The following CLIC5 variants were observed in gnomAD, a reference collection of about 807,000 sequenced individuals.
CLIC5 encodes the protein CLIC family member 5, also known as chloride intracellular channel protein 5.
Under a neutral mutation model 24.7 loss-of-function variants are expected in CLIC5, and 20 were observed. The observed-to-expected ratio is 0.81, with a 90% CI of 0.57 to 1.18. The LOEUF is 1.18. Among genes scored for constraint, CLIC5 ranks in the 50% most tolerant of loss-of-function variants. The probability of loss-of-function intolerance (pLI) is 0.00; values close to 1 mark genes in which losing one functional copy is unlikely to be tolerated. For missense variants in CLIC5, 341 were observed against 326.1 expected (o/e 1.05, Z -0.35); for synonymous variants, 159 against 135.6 (o/e 1.17, Z -1.20).
intron 1 of CLIC5, among the ~76,000 whole-genome samples, chr6:46,073,218 C>G (rs1380015504): frequency 2.6e-5 from 4 of 152,148 alleles, no homozygotes; most frequent in Non-Finnish European, 4.4e-5. Flanking sequence ...TTAAGTGAGT[C>G]CAGCCAGGCT....
At chr6:46,002,849 A>G (rs1766410644) in intron 1 of CLIC5, among the ~76,000 whole-genome samples, 1 of 152,156 alleles carries the variant, frequency 6.6e-6, no homozygotes, top group Non-Finnish European at 1.5e-5. Flanking sequence ...TTGACCTTGG[A>G]CTATTCATTG....
intron 1 of CLIC5, among the ~76,000 whole-genome samples, chr6:46,078,546 C>G (rs1762834949): frequency 6.6e-6 from 1 of 152,176 alleles, no homozygotes; most frequent in Admixed American, 6.5e-5. Context: ...TCTGTTTCAT[C>G]TCTTACTATA....
intron 4 of CLIC5, among the ~76,000 whole-genome samples, chr6:45,918,391 C>T (rs763184562): frequency 6.6e-6 from 1 of 152,166 alleles, no homozygotes; most frequent in Non-Finnish European, 1.5e-5. Flanking sequence ...AAGACTCTAA[C>T]CCAGCCTCCA....
At chr6:46,089,364 C>A in the CLIC5 span, among the ~76,000 whole-genome samples, 1 of 151,946 alleles carries the variant, frequency 6.6e-6, no homozygotes, top group African/African-American at 2.4e-5. Flanking sequence ...CTAAATTTTC[C>A]CAGTCTTCAT....
At chr6:46,028,836 G>T (rs1767417476) in intron 1 of CLIC5, among the ~76,000 whole-genome samples, 1 of 152,146 alleles carries the variant, frequency 6.6e-6, no homozygotes, top group South Asian at 2.1e-4. Context: ...AGTTTCATTA[G>T]ATAGTTTACA....
At position 46,012,169 on chromosome 6, in the gene CLIC5, C is replaced by T. The variant is rs532891563; in HGVS notation, c.63+3311G>A. ...TATTGATATCATTCCCTTTCACTCT[C>T]AAAAGTGTCTAGATTTGGACAATAA... On this transcript the variant is annotated intron_variant, in intron 1 of 5. Transcript: ENST00000339561. Among the ~76,000 whole-genome samples, 18 of 152,318 alleles carry T rather than the reference C, an allele frequency of 1.2e-4. No individual in the cohort carries two copies. The East Asian group carries it at 3.3e-3, about 28-fold the overall frequency.
At chr6:45,983,310 G>A (rs561801159) in intron 1 of CLIC5, among the ~76,000 whole-genome samples, 57 of 152,270 alleles carry the variant, frequency 3.7e-4, no homozygotes, top group African/African-American at 1.3e-3. Flanking sequence ...GGGACAGGGT[G>A]TGTGCTGTCA....
intron 1 of CLIC5, among the ~76,000 whole-genome samples, chr6:46,042,074 G>T (rs1767822586): frequency 6.6e-6 from 1 of 152,136 alleles, no homozygotes; most frequent in Admixed American, 6.5e-5. Flanking sequence ...TTTTCTAGGA[G>T]AGAATAATGT....
At chr6:45,886,218 G>C (rs946340880) in intron 6 of CLIC5, among the ~76,000 whole-genome samples, 1 of 152,176 alleles carries the variant, frequency 6.6e-6, no homozygotes, top group Non-Finnish European at 1.5e-5. Flanking sequence ...CGAAGGAGCA[G>C]AAATCTTGAA....
chr6:46,075,529 G>A (rs1284907780), intron 1 of CLIC5, among the ~76,000 whole-genome samples: 1 of 152,168 alleles, frequency 6.6e-6, no homozygotes, highest in Non-Finnish European at 1.5e-5. Context: ...AGGCTGCAAT[G>A]AGCTGTGTTT....
At chr6:46,011,478 G>A (rs982487476) in intron 1 of CLIC5, among the ~76,000 whole-genome samples, 1 of 152,216 alleles carries the variant, frequency 6.6e-6, no homozygotes, top group South Asian at 2.1e-4. Flanking sequence ...CAGACACACT[G>A]ATGTAATCGG....
the CLIC5 span, among the ~76,000 whole-genome samples, chr6:46,088,684 A>G: frequency 6.6e-6 from 1 of 152,218 alleles, no homozygotes; most frequent in Non-Finnish European, 1.5e-5. Context: ...TAATGTGTAT[A>G]CATTAAATTT....
At chr6:46,080,104 A>G in exon 1 of CLIC5, 1 of 1,551,718 alleles carries the variant, frequency 6.4e-7, no homozygotes, top group Non-Finnish European at 8.7e-7. Context: ...TGAGTGGCAT[A>G]TAAATCATTT....
At chr6:46,053,749 A>T (rs1232777651) in intron 1 of CLIC5, among the ~76,000 whole-genome samples, 1 of 152,082 alleles carries the variant, frequency 6.6e-6, no homozygotes, top group Non-Finnish European at 1.5e-5. Context: ...GGCTATTTTT[A>T]GTTGTTGTCG....
chr6:45,996,750 A>G (rs1005150387), intron 1 of CLIC5, among the ~76,000 whole-genome samples: 9 of 152,132 alleles, frequency 5.9e-5, no homozygotes, highest in African/African-American at 1.2e-4. Context: ...GACACATGAA[A>G]AAATGCTCAT....
At chr6:46,103,621 C>T in the CLIC5 span, among the ~76,000 whole-genome samples, 1 of 149,732 alleles carries the variant, frequency 6.7e-6, no homozygotes, top group South Asian at 2.2e-4. Flanking sequence ...GCCATTCTTT[C>T]TGCAACCTCA....
At chr6:46,122,085 A>G in the CLIC5 span, among the ~76,000 whole-genome samples, 2 of 152,370 alleles carry the variant, frequency 1.3e-5, no homozygotes, top group Admixed American at 6.5e-5. Context: ...CAGGCCTAAT[A>G]GACATCTACA....
At chr6:46,103,323 TG>T in the CLIC5 span, among the ~76,000 whole-genome samples, 2 of 152,130 alleles carry the variant, frequency 1.3e-5, no homozygotes, top group Admixed American at 6.5e-5. Flanking sequence ...TACTTCGAGG[TG>T]GGGTGGCTGT....
chr6:46,037,200 C>G (rs1352432964), intron 1 of CLIC5, among the ~76,000 whole-genome samples: 2 of 152,138 alleles, frequency 1.3e-5, no homozygotes, highest in Non-Finnish European at 2.9e-5. Context: ...TTACAACATG[C>G]TAAAGAGCTC....
Sources: allele counts gnomAD v4.1 joint callset (sites outside exome capture counted in the v4.1 genomes callset), GRCh38; gene constraint gnomAD v4.1.1; transcripts MANE v1.5; gene names NCBI Gene and HGNC (gene_info 2026-07-23, HGNC 2026-07-21).